LATS1: variants seen among roughly 807,000 people sequenced by gnomAD.
The protein encoded by LATS1 is large tumor suppressor kinase 1.
In LATS1, 25 loss-of-function variants were observed where a neutral mutation model predicts 106.6. The observed-to-expected ratio is 0.23, with a 90% CI of 0.17 to 0.33. LATS1 has a LOEUF of 0.33. Ranked by LOEUF, LATS1 falls within the 10% of genes least tolerant of loss-of-function variation. LATS1 has a pLI of 1.00. For missense variants in LATS1, 1,040 were observed against 1,382.6 expected (o/e 0.75, Z 3.93); for synonymous variants, 465 against 455.6 (o/e 1.02, Z -0.26).
chr6:149,662,146 G>C lies in LATS1; in HGVS notation c.2976C>G (p.Pro992=), dbSNP rs768536948. 75 of 1,613,836 alleles carry C rather than the reference G, an allele frequency of 4.6e-5. No homozygotes were observed. The highest frequency in any genetic ancestry group is 1.7e-4 in the Admixed American group (10 of 59,996). The change falls in exon 8 of 8, where the codon CCC becomes CCG. Residue 992 remains proline, a synonymous_variant. Coordinates refer to ENST00000543571, the MANE Select transcript of LATS1 (RefSeq NM_004690.4). ...CACCATTCTTGCCTAAGCGATCTTC[G>C]GGTCCTCGGCAAAGTTTAATAATAA... ...SDLIIKLCRG[P]EDRLGKNGAD... is the part of the protein sequence containing the mutation.
intron 1 of LATS1, among the ~76,000 whole-genome samples, chr6:149,716,767 T>C (rs886344645): frequency 2.6e-5 from 4 of 152,196 alleles, no homozygotes; most frequent in African/African-American, 4.8e-5. Context: ...AACACAATGC[T>C]ACTTCTTTTA....
At chr6:149,715,357 G>A (rs923974609) in intron 1 of LATS1, among the ~76,000 whole-genome samples, 1 of 152,152 alleles carries the variant, frequency 6.6e-6, no homozygotes, top group Non-Finnish European at 1.5e-5. Flanking sequence ...GTGAGCCACT[G>A]CGCCCGGCTA....
intron 4 of LATS1, among the ~76,000 whole-genome samples, chr6:149,681,411 A>G (rs1025603178): frequency 2.6e-5 from 4 of 152,258 alleles, no homozygotes; most frequent in African/African-American, 9.6e-5. Context: ...TTTAAGAAGG[A>G]TGGCATGCCA....
At chr6:149,690,192 T>C (rs1303573713) in intron 3 of LATS1, among the ~76,000 whole-genome samples, 5 of 151,264 alleles carry the variant, frequency 3.3e-5, no homozygotes, top group African/African-American at 1.2e-4. Context: ...CATATACATA[T>C]ATGTATTCTT....
rs1192589393 is a variant in LATS1, at chr6:149,684,374, G to A, written c.715C>T (p.Pro239Ser). 1.2e-6 allele frequency: 2 copies of A among 1,614,062 alleles called. No homozygotes were observed. The highest frequency in any genetic ancestry group is 2.7e-5 in the African/African-American group (2 of 75,002). Residue 239 changes from proline to serine, a missense_variant, in exon 4 of 8, where the codon CCA becomes TCA. This residue lies in a region of LATS1 where 624 missense variants were observed against 714.8 expected (regional missense o/e 0.87). Coordinates refer to ENST00000543571, the MANE Select transcript of LATS1 (RefSeq NM_004690.4). ...GGAGTAACACTCCTTACTTGAGGTG[G>A]TGGTGGGGGGTTCACTCTCTGTCCG... ...SNGQRVNPPPPPQVRSVTPPP... is the reference protein window; with the variant it reads ...SNGQRVNPPPSPQVRSVTPPP...
In LATS1 at chr6:149,683,471, C is replaced by G. The variant is rs761260817; in HGVS notation, c.1618G>C (p.Val540Leu). The G allele has an allele frequency of 2.5e-6, 4 of 1,614,166 alleles. No homozygotes were observed. Among genetic ancestry groups the G allele is most frequent in the Non-Finnish European group, 1.7e-6 (2 of 1,180,048 alleles). The change falls in exon 4 of 8, where the codon GTG becomes CTG. Residue 540 changes from valine to leucine, a missense_variant. Physicochemically the swap from Val to Leu is conservative, Grantham distance 32. Around this residue, in one of 7 missense-constraint regions of LATS1, gnomAD observed 624 missense variants for 714.8 expected, o/e 0.87. Coordinates refer to ENST00000543571, the MANE Select transcript of LATS1 (RefSeq NM_004690.4). ...TCAGCAACAGGTGGCATCACAGTCA[C>G]ATTTGAAGCGGTTCCCTCAGGAAAA... ...SPFPEGTASN[V>L]TVMPPVAEAP...
At chr6:149,691,027 A>G (rs910825281) in intron 3 of LATS1, among the ~76,000 whole-genome samples, 6 of 151,946 alleles carry the variant, frequency 3.9e-5, no homozygotes, top group Non-Finnish European at 7.4e-5. Context: ...TACATATCCT[A>G]TTTAGTCCTC....
In LATS1 at chr6:149,718,091, C is replaced by A. The variant is rs1352477438; in HGVS notation, c.-383G>T. ...GCCTTCCACTCAGTGTCGCCGCCGCCGCACTCCGCTGCAGGTTTCCCGGAT... is the reference window on the plus strand; with the variant it reads ...GCCTTCCACTCAGTGTCGCCGCCGCAGCACTCCGCTGCAGGTTTCCCGGAT... On this transcript the variant is annotated 5_prime_UTR_variant, in exon 1 of 8. Coordinates refer to ENST00000543571, the MANE Select transcript of LATS1 (RefSeq NM_004690.4). 2 of 301,356 alleles carry A rather than the reference C, an allele frequency of 6.6e-6. No homozygotes were observed. Among genetic ancestry groups the A allele is most frequent in the South Asian group, 4.7e-5 (2 of 42,474 alleles). The allele number at this position is 301,356 out of a possible 1,614,324, so 18.7% of individuals were successfully genotyped here.
Position 149,660,125 on chromosome 6 carries a change from C to T in LATS1, c.*1604G>A, listed in dbSNP as rs1193982152. Reference sequence around the variant, plus strand: ...ATAGGTTTCAATATGTCCAAAATCCCTTGAAACTGCATGCAACATTGTATG... The same window carrying T: ...ATAGGTTTCAATATGTCCAAAATCCTTTGAAACTGCATGCAACATTGTATG... On this transcript the variant is annotated 3_prime_UTR_variant, in exon 8 of 8. Transcript: ENST00000543571. 4.3e-6 allele frequency: 1 copy of T among 232,336 alleles called. No individual in the cohort carries two copies. Among genetic ancestry groups the T allele is most frequent in the Non-Finnish European group, 8.5e-6 (1 of 117,618 alleles). 14.4% of individuals were successfully genotyped at this position (232,336 alleles called of 1,614,324 possible).
At chr6:149,717,657 C>T in intron 1 of LATS1, 192 bp downstream of exon 1, 1 of 161,096 alleles carries the variant, frequency 6.2e-6, no homozygotes, top group South Asian at 1.3e-4. Context: ...GCGGCCAACC[C>T]TCGCTTCCCC....
At chr6:149,686,733 T>G (rs773352282) in intron 3 of LATS1, among the ~76,000 whole-genome samples, 3 of 152,232 alleles carry the variant, frequency 2.0e-5, no homozygotes, top group African/African-American at 4.8e-5. Context: ...GAGGCCACAC[T>G]AATTCCTCTC....
intron 7 of LATS1, among the ~76,000 whole-genome samples, chr6:149,674,588 G>T (rs543776911): frequency 2.4e-4 from 36 of 151,816 alleles, no homozygotes; most frequent in Non-Finnish European, 3.7e-4. Context: ...TGCCCAGGCT[G>T]GTCTCAAACT....
intron 1 of LATS1, among the ~76,000 whole-genome samples, chr6:149,711,972 CAG>C (rs372791778): frequency 4.0e-5 from 6 of 151,254 alleles, no homozygotes; most frequent in Non-Finnish European, 3.0e-5. Flanking sequence ...CAGTGAGTGA[CAG>C]AGAGAGAGAG....
At chr6:149,682,436 C>G (rs573924160) in intron 4 of LATS1, among the ~76,000 whole-genome samples, 6 of 137,212 alleles carry the variant, frequency 4.4e-5, no homozygotes, top group African/African-American at 1.6e-4. Flanking sequence ...TTTTTTGAGA[C>G]GGAGTCTCAC....
At chr6:149,699,278 T>C (rs1280935057) in intron 2 of LATS1, among the ~76,000 whole-genome samples, 1 of 152,106 alleles carries the variant, frequency 6.6e-6, no homozygotes, top group Non-Finnish European at 1.5e-5. Flanking sequence ...TATATCACCA[T>C]TGGTATAAAT....
In LATS1 at chr6:149,684,454, C is replaced by T. The variant is rs1782246950; in HGVS notation, c.635G>A (p.Gly212Glu). ...TATACCAGATCCAGACAAAGGTCTT[C>T]CTACATCTGTCTGTGAGTTGGGACT... ...SESPNSQTDV[G>E]RPLSGSGISA... The change falls in exon 4 of 8, where the codon GGA (glycine) becomes GAA (glutamate). Residue 212 changes from glycine to glutamate, a missense_variant. Gly to Glu is a moderately conservative substitution (Grantham distance 98, BLOSUM62 -2). Transcript: ENST00000543571. The T allele has an allele frequency of 6.2e-7, 1 of 1,613,986 alleles. No homozygotes were observed. Among genetic ancestry groups the T allele is most frequent in the Non-Finnish European group, 8.5e-7 (1 of 1,180,012 alleles).
chr6:149,678,023 A>T (rs1394554820), intron 5 of LATS1, among the ~76,000 whole-genome samples: 17 of 150,892 alleles, frequency 1.1e-4, no homozygotes, highest in African/African-American at 3.9e-4. Context: ...CGTCTCAAAA[A>T]AAAAAAAACA....
intron 3 of LATS1, among the ~76,000 whole-genome samples, chr6:149,692,570 C>A (rs1420890228): frequency 6.6e-6 from 1 of 152,110 alleles, no homozygotes; most frequent in Non-Finnish European, 1.5e-5. Flanking sequence ...CAAGAACTTA[C>A]CCAATGCAGA....
intron 3 of LATS1, among the ~76,000 whole-genome samples, chr6:149,684,853 T>C (rs932378867): frequency 6.6e-6 from 1 of 152,142 alleles, no homozygotes; most frequent in African/African-American, 2.4e-5. Context: ...TAATAATACA[T>C]GTTATTTGGC....
Sources: gnomAD v4.1 joint callset for allele counts (sites outside exome capture counted in the v4.1 genomes callset) on GRCh38, gnomAD v4.1.1 for gene constraint, gnomAD v4.1.1 regional missense constraint, MANE v1.5 for transcripts, NCBI Gene and HGNC (gene_info 2026-07-23, HGNC 2026-07-21) for gene names.